PPP2R1B: variants seen among roughly 807,000 people sequenced by gnomAD.
PPP2R1B encodes the protein protein phosphatase 2 scaffold subunit Abeta.
PPP2R1B carries 58 observed loss-of-function variants against 72.7 expected under a neutral mutation model. The observed-to-expected ratio is 0.80, with a 90% CI of 0.65 to 0.99. The LOEUF is 0.99. Ranked by LOEUF, PPP2R1B falls within the 50% of genes least tolerant of loss-of-function variation. The pLI is 0.00. For missense variants in PPP2R1B, 695 were observed against 733.6 expected (o/e 0.95, Z 0.61); for synonymous variants, 256 against 264.6 (o/e 0.97, Z 0.32).
At chr11:111,753,688 A>G (rs4322429) in intron 8 of PPP2R1B, 111 bp from the exon 9 acceptor site, 1,117,276 of 1,189,992 alleles carry the variant, frequency 0.94, 524,933 homozygotes, top group East Asian at 1. Flanking sequence ...GTGCAGTGGC[A>G]TGACCTTGGC....
At chr11:111,754,869 C>G in intron 7 of PPP2R1B, 111 bp downstream of exon 7, 2 of 980,508 alleles carry the variant, frequency 2.0e-6, no homozygotes, top group Non-Finnish European at 3.0e-6. Flanking sequence ...CTAAAAACAT[C>G]CCTATGTATT....
chr11:111,738,788 C>A lies in PPP2R1B; in HGVS notation c.*2808G>T. 1 of 985,320 alleles carries A rather than the reference C, an allele frequency of 1.0e-6. No homozygotes were observed. The highest frequency in any genetic ancestry group is 1.2e-6 in the Non-Finnish European group (1 of 829,932). 61.0% of individuals were successfully genotyped at this position (985,320 alleles called of 1,614,324 possible). On this transcript the variant is annotated 3_prime_UTR_variant, in exon 15 of 15. Transcript: ENST00000527614. Reference sequence around the variant, plus strand: ...GAGAAACAAGACCTGGTCTCTTAAACCTGTGAGGGGTAAACCCCACACAAA... The same window carrying A: ...GAGAAACAAGACCTGGTCTCTTAAAACTGTGAGGGGTAAACCCCACACAAA...
chr11:111,741,764 T>C (rs1299102463), intron 14 of PPP2R1B, 152 bp from the exon 15 acceptor site: 10 of 962,844 alleles, frequency 1.0e-5, no homozygotes, highest in Non-Finnish European at 1.6e-5. Flanking sequence ...TAATCAGAAG[T>C]GAAACTTTAA....
chr11:111,748,277 C>T (rs1944776498), intron 10 of PPP2R1B, among the ~76,000 whole-genome samples: 1 of 152,184 alleles, frequency 6.6e-6, no homozygotes, highest in Non-Finnish European at 1.5e-5. Context: ...TCAGCCACAA[C>T]ACTGCAAAAG....
At position 111,738,229 on chromosome 11, in the gene PPP2R1B, A is replaced by G; in HGVS notation, c.*3367T>C. 3.0e-6 allele frequency: 3 copies of G among 985,570 alleles called. No homozygotes were observed. Among genetic ancestry groups the G allele is most frequent in the Non-Finnish European group, 3.6e-6 (3 of 830,044 alleles). 61.1% of individuals were successfully genotyped at this position (985,570 alleles called of 1,614,324 possible). ...ACTGGGCAACAGGGCCTCTCCCTCT[A>G]CAGTTTCATATCCAAGCAGTGGAGA... is the stretch of plus-strand genomic sequence containing the variant. On this transcript the variant is annotated 3_prime_UTR_variant, in exon 15 of 15. Transcript: ENST00000527614.
the PPP2R1B span, among the ~76,000 whole-genome samples, chr11:111,699,471 T>C: frequency 6.6e-5 from 10 of 152,176 alleles, no homozygotes; most frequent in East Asian, 3.8e-4. Context: ...CACAGCATCC[T>C]ATCTGGGTAG....
chr11:111,688,812 GAT>G, the PPP2R1B span, among the ~76,000 whole-genome samples: 1 of 152,092 alleles, frequency 6.6e-6, no homozygotes. The surrounding 1 kb of genome is among the most constrained non-coding windows in gnomAD (Gnocchi z 4.2). Flanking sequence ...AGTACAATAT[GAT>G]ATGTGGAAAT....
intron 11 of PPP2R1B, among the ~76,000 whole-genome samples, 169 bp downstream of exon 11, chr11:111,747,785 G>T (rs1944756758): frequency 6.6e-6 from 1 of 152,086 alleles, no homozygotes; most frequent in South Asian, 2.1e-4. Flanking sequence ...ACAAAAAATT[G>T]GTAGAAACGT....
At chr11:111,723,077 G>A (rs904372248), downstream of PPP2R1B, among the ~76,000 whole-genome samples, 5 of 152,138 alleles carry the variant, frequency 3.3e-5, no homozygotes, top group African/African-American at 9.7e-5. Flanking sequence ...GGAGCCTTCC[G>A]TCCTCCCTTA....
chr11:111,720,963 C>T, the PPP2R1B span: 2 of 1,614,148 alleles, frequency 1.2e-6, no homozygotes, highest in Non-Finnish European at 1.7e-6. Flanking sequence ...TAGAGTTGAA[C>T]AAAGTGCAGT....
chr11:111,740,227 T>G lies in PPP2R1B; in HGVS notation c.*1369A>C, dbSNP rs533406407. 5.4e-5 allele frequency: 53 copies of G among 980,268 alleles called. No homozygotes were observed. The highest frequency in any genetic ancestry group is 5.3e-4 in the Middle Eastern group (1 of 1,900). 60.7% of individuals were successfully genotyped at this position (980,268 alleles called of 1,614,324 possible). On this transcript the variant is annotated 3_prime_UTR_variant, in exon 15 of 15. Coordinates refer to ENST00000527614, the MANE Select transcript of PPP2R1B (RefSeq NM_002716.5). ...AGTTTGATTATGTGAAAAATAGTTG[T>G]TTTTTTTTGAGATGGACTCTCGCTC...
chr11:111,721,912 A>G (rs1297550034), downstream of PPP2R1B: 1 of 1,611,260 alleles, frequency 6.2e-7, no homozygotes, highest in Non-Finnish European at 8.5e-7. Context: ...CAGAGCCTGG[A>G]GACCCAGTAC....
At chr11:111,722,054 A>G (rs1943818649), downstream of PPP2R1B, 2 of 689,196 alleles carry the variant, frequency 2.9e-6, no homozygotes, top group Admixed American at 3.4e-5. This position sits in a 1 kb window ranked among gnomAD's most constrained non-coding sequence, Gnocchi z 4.4. Context: ...TTGATTCCTT[A>G]TAGGCAAGTA....
chr11:111,744,956 T>C (rs2136053432), intron 11 of PPP2R1B, among the ~76,000 whole-genome samples: 1 of 152,206 alleles, frequency 6.6e-6, no homozygotes, highest in East Asian at 1.9e-4. Flanking sequence ...TTCCTTCCCT[T>C]CATATCCATA....
intron 10 of PPP2R1B, among the ~76,000 whole-genome samples, chr11:111,748,778 T>G (rs909807575): frequency 1.4e-4 from 22 of 152,230 alleles, no homozygotes; most frequent in African/African-American, 5.3e-4. Flanking sequence ...TGACTGGTGA[T>G]TCTATATTTT....
chr11:111,740,577 A>G lies in PPP2R1B; in HGVS notation c.*1019T>C, dbSNP rs1289645415. ...AGCTTAACTCATTATCTTAAATTTCAGAATTAATGAGGTTTTACTGTAAAA... is the reference window on the plus strand; with the variant it reads ...AGCTTAACTCATTATCTTAAATTTCGGAATTAATGAGGTTTTACTGTAAAA... On this transcript the variant is annotated 3_prime_UTR_variant, in exon 15 of 15. Coordinates refer to ENST00000527614, the MANE Select transcript of PPP2R1B (RefSeq NM_002716.5). 2 of 984,486 alleles carry G rather than the reference A, an allele frequency of 2.0e-6. No individual in the cohort carries two copies. The highest frequency in any genetic ancestry group is 1.2e-6 in the Non-Finnish European group (1 of 829,144). The allele number at this position is 984,486 out of a possible 1,614,324, so 61.0% of individuals were successfully genotyped here. A position where few individuals can be genotyped will look rare whatever the true frequency, so the allele number is the denominator to read the frequency against.
At chr11:111,735,507 C>G (rs140426322), downstream of PPP2R1B, among the ~76,000 whole-genome samples, 1,289 of 152,310 alleles carry the variant, frequency 8.5e-3, 11 homozygotes, top group Middle Eastern at 0.054. Flanking sequence ...GCCGGACCCG[C>G]GGCAGCAAGG....
At chr11:111,747,918 A>C (rs774114692) in intron 11 of PPP2R1B, 36 bp downstream of exon 11, 32 of 1,557,260 alleles carry the variant, frequency 2.1e-5, no homozygotes, top group Non-Finnish European at 2.7e-5. Flanking sequence ...AATCATGGAT[A>C]TATGGGCTTT....
chr11:111,703,393 C>T, the PPP2R1B span: 1 of 1,613,860 alleles, frequency 6.2e-7, no homozygotes, highest in Non-Finnish European at 8.5e-7. Flanking sequence ...TGATGCACAG[C>T]CTTGGAATAG....
Sources: gnomAD v4.1 joint callset for allele counts (sites outside exome capture counted in the v4.1 genomes callset) on GRCh38, gnomAD v4.1.1 for gene constraint, Gnocchi (gnomAD v3.1) non-coding constraint, MANE v1.5 for transcripts, NCBI Gene and HGNC (gene_info 2026-07-23, HGNC 2026-07-21) for gene names.